The following MAP3K15 variants were observed in gnomAD, a reference collection of about 807,000 sequenced individuals.
MAP3K15 encodes the protein mitogen-activated protein kinase kinase kinase 15.
In MAP3K15, 124 loss-of-function variants were observed where a neutral mutation model predicts 99.5. The observed-to-expected ratio is 1.25, with a 90% CI of 1.08 to 1.45. MAP3K15 has a LOEUF of 1.45. Ranked by LOEUF, MAP3K15 falls within the 40% of genes most tolerant of loss-of-function variation. The probability of loss-of-function intolerance (pLI) is 0.00; values close to 1 mark genes in which losing one functional copy is unlikely to be tolerated. For synonymous variants in MAP3K15, 494 were observed against 439.6 expected, an observed-to-expected ratio of 1.12 and a Z score of -1.55; for missense variants, 1,242 against 1,079.7, an observed-to-expected ratio of 1.15 and a Z score of -2.11.
chrX:19,415,078 TA>T (rs752356833), intron 10 of MAP3K15, 28 bp downstream of exon 10: 417 of 1,067,435 alleles, frequency 3.9e-4, no homozygotes, highest in Admixed American at 1.2e-3. Flanking sequence ...TTCCTAATCT[TA>T]AAAAAAAATG....
chrX:19,410,418 C>T (rs976955366), intron 11 of MAP3K15, among the ~76,000 whole-genome samples: 19 of 112,083 alleles, frequency 1.7e-4, no homozygotes, highest in Admixed American at 1.3e-3. Flanking sequence ...AGCTGAACTA[C>T]AATTCCCAGC....
chrX:19,384,758 A>G (rs1310802658), intron 18 of MAP3K15, among the ~76,000 whole-genome samples: 2 of 98,997 alleles, frequency 2.0e-5, no homozygotes, highest in African/African-American at 7.7e-5. Flanking sequence ...GGAAAAAAAA[A>G]AAAAAAAAAA....
intron 13 of MAP3K15, among the ~76,000 whole-genome samples, chrX:19,403,745 G>A (rs748747563): frequency 4.4e-4 from 49 of 110,225 alleles, no homozygotes; most frequent in Admixed American, 8.8e-4. Flanking sequence ...AGGATTACAG[G>A]CATCAGCCAC....
At chrX:19,439,459 T>C (rs1307582330) in intron 6 of MAP3K15, among the ~76,000 whole-genome samples, 1 of 110,872 alleles carries the variant, frequency 9.0e-6, no homozygotes, top group African/African-American at 3.3e-5. Flanking sequence ...GCACTTAAAA[T>C]TTTAGTTTAT....
intron 1 of MAP3K15, among the ~76,000 whole-genome samples, chrX:19,499,609 A>G (rs1314133065): frequency 8.9e-6 from 1 of 112,494 alleles, no homozygotes; most frequent in Non-Finnish European, 1.9e-5. Flanking sequence ...TAATATTAGA[A>G]AGGAACAAAC....
intron 6 of MAP3K15, among the ~76,000 whole-genome samples, chrX:19,453,629 C>T (rs760767648): frequency 1.8e-5 from 2 of 110,228 alleles, no homozygotes; most frequent in East Asian, 5.7e-4. Context: ...TTGTTTCTTT[C>T]TCCTCTCCAA....
chrX:19,387,253 A>AG (rs1212793650), intron 18 of MAP3K15, among the ~76,000 whole-genome samples: 1 of 111,807 alleles, frequency 8.9e-6, no homozygotes, highest in Non-Finnish European at 1.9e-5. Flanking sequence ...AGCAGCAGAC[A>AG]GGGGGCTGTA....
At chrX:19,510,754 G>A (rs1361172072) in intron 1 of MAP3K15, among the ~76,000 whole-genome samples, 2 of 111,760 alleles carry the variant, frequency 1.8e-5, no homozygotes, top group African/African-American at 6.5e-5. Context: ...AAGTCAAATC[G>A]TCTGTTTGTA....
chrX:19,471,955 G>T (rs902724013), intron 3 of MAP3K15, among the ~76,000 whole-genome samples: 1 of 111,770 alleles, frequency 8.9e-6, no homozygotes, highest in Non-Finnish European at 1.9e-5. Flanking sequence ...GGGCGCGGTG[G>T]CTCACGCCTG....
chrX:19,383,948 A>G (rs1295659232), intron 18 of MAP3K15, among the ~76,000 whole-genome samples: 1 of 111,889 alleles, frequency 8.9e-6, no homozygotes, highest in African/African-American at 3.2e-5. Context: ...AAACCTAAAA[A>G]TAGAGTTATC....
At chrX:19,475,911 C>G (rs1169428361) in intron 3 of MAP3K15, among the ~76,000 whole-genome samples, 1 of 112,116 alleles carries the variant, frequency 8.9e-6, no homozygotes, top group Non-Finnish European at 1.9e-5. Context: ...TCCGCAGGCA[C>G]CCCATGCAAG....
intron 25 of MAP3K15, among the ~76,000 whole-genome samples, chrX:19,364,019 G>T (rs1029755952): frequency 9.0e-6 from 1 of 111,605 alleles, no homozygotes; most frequent in Non-Finnish European, 1.9e-5. Flanking sequence ...TGCCGGTGGG[G>T]AGGATGGCTC....
intron 1 of MAP3K15, among the ~76,000 whole-genome samples, chrX:19,492,568 A>G (rs2064375265): frequency 8.9e-6 from 1 of 111,765 alleles, no homozygotes; most frequent in African/African-American, 3.3e-5. Flanking sequence ...TCCACTCCCC[A>G]AAGACATTTG....
intron 6 of MAP3K15, among the ~76,000 whole-genome samples, chrX:19,432,557 C>CAAA (rs58029753): frequency 2.2e-5 from 1 of 45,323 alleles, no homozygotes; most frequent in African/African-American, 6.5e-5. Flanking sequence ...TCTGTCTCAA[C>CAAA]AAAAAAAAAA....
intron 5 of MAP3K15, among the ~76,000 whole-genome samples, chrX:19,457,410 G>A (rs750456987): frequency 7.2e-5 from 8 of 111,412 alleles, no homozygotes; most frequent in Non-Finnish European, 1.5e-4. Context: ...TCAGGAGTTC[G>A]AGACTAGCCT....
At chrX:19,491,245 C>A (rs773826372) in intron 1 of MAP3K15, among the ~76,000 whole-genome samples, 5 of 111,209 alleles carry the variant, frequency 4.5e-5, no homozygotes, top group Non-Finnish European at 9.4e-5. Context: ...GAAGTGTCAA[C>A]AGGGCATAAT....
chrX:19,374,734 A>G, intron 19 of MAP3K15, 74 bp from the exon 20 acceptor site: 5 of 964,768 alleles, frequency 5.2e-6, no homozygotes, highest in Admixed American at 4.9e-5. Flanking sequence ...TCTCAGTCCA[A>G]AGCTCCTGTA....
At chrX:19,461,404 GT>G (rs1199400723) in intron 4 of MAP3K15, among the ~76,000 whole-genome samples, 2 of 112,112 alleles carry the variant, frequency 1.8e-5, no homozygotes, top group Non-Finnish European at 3.8e-5. Context: ...CCCAAGAATA[GT>G]TTTCTAATGG....
intron 3 of MAP3K15, among the ~76,000 whole-genome samples, chrX:19,485,176 G>GT (rs1202664707): frequency 9.2e-6 from 1 of 108,565 alleles, no homozygotes; most frequent in East Asian, 2.9e-4. Flanking sequence ...AGGCGTGGTG[G>GT]TAGGCGCCTA....
Sources: allele counts gnomAD v4.1 joint callset (sites outside exome capture counted in the v4.1 genomes callset), GRCh38; gene constraint gnomAD v4.1.1; transcripts MANE v1.5; gene names NCBI Gene and HGNC (gene_info 2026-07-23, HGNC 2026-07-21).